Variants in EGFR observed in about 807,000 individuals in gnomAD.
EGFR encodes the protein avian erythroblastic leukemia viral (v-erb-b) oncogene homolog.
A neutral mutation model predicts 143.0 loss-of-function variants in EGFR; 58 were observed. The observed-to-expected ratio is 0.41, with a 90% confidence interval of 0.33 to 0.50. The LOEUF is 0.50. Ranked by LOEUF, EGFR falls within the 20% of genes least tolerant of loss-of-function variation. EGFR has a pLI of 0.39. For missense variants in EGFR, 1,307 were observed against 1,579.0 expected (o/e 0.83, Z 2.92); for synonymous variants, 613 against 594.4 (o/e 1.03, Z -0.45).
chr7:55,124,219 C>T (rs1793385076), intron 1 of EGFR, among the ~76,000 whole-genome samples: 1 of 152,222 alleles, frequency 6.6e-6, no homozygotes, highest in Non-Finnish European at 1.5e-5. Flanking sequence ...GTCCCTATGA[C>T]ATTCCATACT....
chr7:55,099,511 C>T (rs1791676554), intron 1 of EGFR, among the ~76,000 whole-genome samples: 1 of 152,120 alleles, frequency 6.6e-6, no homozygotes, highest in African/African-American at 2.4e-5. Context: ...ACATGCAGTC[C>T]CAGATGGAGG....
intron 1 of EGFR, among the ~76,000 whole-genome samples, chr7:55,022,489 C>G (rs978568528): frequency 7.2e-5 from 11 of 152,302 alleles, no homozygotes; most frequent in Non-Finnish European, 1.5e-4. Flanking sequence ...CTCACTCCAG[C>G]CCAGGGTGAA....
In EGFR at chr7:55,154,171, G is replaced by C. The variant is rs757509033; in HGVS notation, c.889+19G>C. The C allele has an allele frequency of 6.2e-7, 1 of 1,614,188 alleles. No individual in the cohort carries two copies. Among genetic ancestry groups the C allele is most frequent in the Middle Eastern group, 1.6e-4 (1 of 6,062 alleles). On this transcript the variant is annotated intron_variant, in intron 7 of 27. Transcript: ENST00000275493. Reference sequence around the variant, plus strand: ...TGTCCCCGTGAGTCCTCCTCTGTGGGCCCTCTAACTGGTCAGGCATCCTTG... The same window carrying C: ...TGTCCCCGTGAGTCCTCCTCTGTGGCCCCTCTAACTGGTCAGGCATCCTTG...
chr7:55,054,743 C>T (rs1450252423), intron 1 of EGFR, among the ~76,000 whole-genome samples: 2 of 152,224 alleles, frequency 1.3e-5, no homozygotes, highest in Non-Finnish European at 2.9e-5. Context: ...ACCGTGCCTC[C>T]GTTCACACCA....
At chr7:55,058,728 T>C (rs921833937) in intron 1 of EGFR, among the ~76,000 whole-genome samples, 2 of 152,130 alleles carry the variant, frequency 1.3e-5, no homozygotes, top group Admixed American at 6.5e-5. Flanking sequence ...AAAATAACTA[T>C]TGGGGTACTA....
intron 20 of EGFR, among the ~76,000 whole-genome samples, chr7:55,190,888 G>C (rs1046708629): frequency 3.9e-5 from 6 of 152,236 alleles, no homozygotes; most frequent in African/African-American, 1.4e-4. Flanking sequence ...GCCTGGGACA[G>C]TTGGGCTCAG....
chr7:55,075,546 C>T (rs1420104282), intron 1 of EGFR, among the ~76,000 whole-genome samples: 1 of 152,210 alleles, frequency 6.6e-6, no homozygotes, highest in Non-Finnish European at 1.5e-5. Context: ...AACATTGCAG[C>T]TGATGTACAG....
rs116767875 is a variant in EGFR at position 55,023,681 on chromosome 7, C to T, written c.88+4316C>T. On this transcript the variant is annotated intron_variant, in intron 1 of 27. Coordinates refer to ENST00000275493, the MANE Select transcript of EGFR (RefSeq NM_005228.5). ...AAAAAAAAAAAAAACAGATTCTGTT[C>T]CTCAGATCCATTCCATTTTTGTTTT... 3.8e-3 allele frequency among the ~76,000 whole-genome samples: 554 copies of T among 146,384 alleles called. 9 individuals are homozygous for T. The highest frequency in any genetic ancestry group is 0.013 in the African/African-American group (520 of 39,988).
intron 22 of EGFR, 149 bp from the exon 23 acceptor site, chr7:55,198,568 C>A: frequency 8.4e-7 from 1 of 1,183,436 alleles, no homozygotes; most frequent in Non-Finnish European, 1.2e-6. Context: ...TAGACTGAGG[C>A]TTCCAGCATT....
chr7:55,130,994 T>C (rs1411737508), intron 1 of EGFR, among the ~76,000 whole-genome samples: 4 of 152,236 alleles, frequency 2.6e-5, no homozygotes, highest in African/African-American at 9.6e-5. Context: ...GGATTCCTCC[T>C]GTGCAACCCC....
At chr7:55,103,653 A>G (rs1221442866) in intron 1 of EGFR, among the ~76,000 whole-genome samples, 1 of 152,230 alleles carries the variant, frequency 6.6e-6, no homozygotes, top group Non-Finnish European at 1.5e-5. Flanking sequence ...CCAAAGAATG[A>G]TGTCGTGGGT....
At chr7:55,192,032 G>T (rs918833052) in intron 21 of EGFR, among the ~76,000 whole-genome samples, 158 bp downstream of exon 21, 8 of 152,140 alleles carry the variant, frequency 5.3e-5, no homozygotes, top group East Asian at 1.9e-4. Flanking sequence ...GTCCAGCCAG[G>T]GTCTCCTGGT....
chr7:55,165,641 G>A (rs1402891020), intron 15 of EGFR, among the ~76,000 whole-genome samples: 1 of 152,172 alleles, frequency 6.6e-6, no homozygotes, highest in South Asian at 2.1e-4. Context: ...GCCATGCACC[G>A]TGTCCCCGGC....
At chr7:55,023,950 A>C (rs1786734679) in intron 1 of EGFR, among the ~76,000 whole-genome samples, 1 of 152,140 alleles carries the variant, frequency 6.6e-6, no homozygotes, top group Non-Finnish European at 1.5e-5. Context: ...ACATCTCTAG[A>C]TTGTCCTCCA....
chr7:55,154,018 G>T lies in EGFR; in HGVS notation c.755G>T (p.Arg252Leu), dbSNP rs760101437. 2 of 1,614,142 alleles carry T rather than the reference G, an allele frequency of 1.2e-6. No homozygotes were observed. Among genetic ancestry groups the T allele is most frequent in the Non-Finnish European group, 1.7e-6 (2 of 1,180,048 alleles). The part of the protein sequence containing the change: ...GPRESDCLVC[R>L]KFRDEATCKD... ...GTCCTCTCTCCTCCATAGGTCTGCCGCAAATTCCGAGACGAAGCCACGTGC... is the reference window on the plus strand; with the variant it reads ...GTCCTCTCTCCTCCATAGGTCTGCCTCAAATTCCGAGACGAAGCCACGTGC... Residue 252 changes from arginine to leucine, a missense_variant, in exon 7 of 28, where the codon CGC becomes CTC. This residue lies in a region of EGFR where 311 missense variants were observed against 412.3 expected (regional missense o/e 0.75). Coordinates refer to ENST00000275493, the MANE Select transcript of EGFR (RefSeq NM_005228.5).
intron 21 of EGFR, 74 bp from the exon 22 acceptor site, chr7:55,192,692 C>A: frequency 2.9e-6 from 4 of 1,368,680 alleles, no homozygotes; most frequent in Non-Finnish European, 4.2e-6. Flanking sequence ...GTAATTAGGT[C>A]CAGAGTGAGT....
Position 55,206,419 on chromosome 7 carries a change from CAA to C in EGFR, c.*803_*804del, listed in dbSNP as rs1788108708. 1 of 233,286 alleles carries C rather than the reference CAA, an allele frequency of 4.3e-6. No homozygotes were observed. The allele number at this position is 233,286 out of a possible 1,614,324, so 14.5% of individuals were successfully genotyped here. On this transcript the variant is annotated 3_prime_UTR_variant, in exon 28 of 28. Transcript: ENST00000275493. ...CCCTGTCTTGCTGTCATGAAATCAG[CAA>C]GAGAGGATGACACATCAAATAATAA...
At chr7:55,168,622 C>T (rs1274043408) in intron 15 of EGFR, 12 of 1,579,192 alleles carry the variant, frequency 7.6e-6, no homozygotes, top group Non-Finnish European at 1.0e-5. Context: ...AAAGTCCTGA[C>T]ACTATTCATT....
chr7:55,191,651 C>A (rs530416576), intron 20 of EGFR, 68 bp from the exon 21 acceptor site: 2 of 1,605,938 alleles, frequency 1.2e-6, no homozygotes, highest in East Asian at 4.5e-5. Context: ...GAACATGACC[C>A]TGAATTCGGA....
Sources: allele counts gnomAD v4.1 joint callset (sites outside exome capture counted in the v4.1 genomes callset), GRCh38; gene constraint gnomAD v4.1.1; regional missense constraint gnomAD v4.1.1; transcripts MANE v1.5; gene names NCBI Gene and HGNC (gene_info 2026-07-23, HGNC 2026-07-21).